Variants in HECTD2 observed in about 807,000 individuals in gnomAD.
HECTD2 encodes HECT domain E3 ubiquitin protein ligase 2, also known as probable E3 ubiquitin-protein ligase HECTD2.
A neutral mutation model predicts 103.2 loss-of-function variants in HECTD2; 35 were observed. That is an observed-to-expected ratio of 0.34 (90% confidence interval 0.26 to 0.45). The LOEUF (loss-of-function observed/expected upper bound fraction) is 0.45. Ranked by LOEUF, HECTD2 falls within the 20% of genes least tolerant of loss-of-function variation. The pLI, the probability that HECTD2 is intolerant of heterozygous loss-of-function variation, is 1.00. For missense variants in HECTD2, 596 were observed against 937.4 expected, an observed-to-expected ratio of 0.64 and a Z score of 4.76; for synonymous variants, 281 against 329.9, an observed-to-expected ratio of 0.85 and a Z score of 1.61.
chr10:91,497,671 G>A (rs1221804161), intron 15 of HECTD2, among the ~76,000 whole-genome samples: 2 of 151,982 alleles, frequency 1.3e-5, no homozygotes, highest in African/African-American at 4.8e-5. Context: ...CACTGTGCAT[G>A]TATGAACTGT....
intron 20 of HECTD2, among the ~76,000 whole-genome samples, chr10:91,504,476 G>A (rs1847058468): frequency 6.6e-6 from 1 of 152,182 alleles, no homozygotes; most frequent in Non-Finnish European, 1.5e-5. Flanking sequence ...ACCACGTGAA[G>A]AATGCAGAAG....
intron 5 of HECTD2, among the ~76,000 whole-genome samples, chr10:91,468,256 A>AC (rs1317273845): frequency 1.3e-5 from 2 of 151,738 alleles, no homozygotes; most frequent in African/African-American, 2.4e-5. Flanking sequence ...CGGTACCAGC[A>AC]CCCCCCAGAG....
At chr10:91,437,169 T>C (rs7908769) in intron 2 of HECTD2, among the ~76,000 whole-genome samples, 30,484 of 151,984 alleles carry the variant, frequency 0.2, 7,265 homozygotes, top group African/African-American at 0.58. Context: ...TTCACAAATA[T>C]GTAATTTGTG....
Position 91,507,927 on chromosome 10 carries a change from T to G in HECTD2, c.2211-4337T>G, listed in dbSNP as rs566993852. ...TGGTACTGGTACCAAAACAGAGATATAGATCAGTGGAACAGAACAGAGCCC... is the reference window on the plus strand; with the variant it reads ...TGGTACTGGTACCAAAACAGAGATAGAGATCAGTGGAACAGAACAGAGCCC... On this transcript the variant is annotated intron_variant, in intron 20 of 20. Coordinates refer to ENST00000298068, the MANE Select transcript of HECTD2 (RefSeq NM_182765.6). 1.5e-5 allele frequency among the ~76,000 whole-genome samples: 2 copies of G among 137,788 alleles called. 1 individual carries two copies. Among genetic ancestry groups the G allele is most frequent in the Non-Finnish European group, 3.0e-5 (2 of 67,476 alleles). 90.4% of individuals were successfully genotyped at this position (137,788 alleles called of 152,430 possible).
intron 5 of HECTD2, among the ~76,000 whole-genome samples, chr10:91,466,920 A>C (rs1227034247): frequency 6.6e-6 from 1 of 152,080 alleles, no homozygotes; most frequent in Non-Finnish European, 1.5e-5. Flanking sequence ...AAATAACAGT[A>C]ATGGAGATTT....
intron 1 of HECTD2, among the ~76,000 whole-genome samples, chr10:91,412,532 G>A (rs1842959672): frequency 6.6e-6 from 1 of 150,770 alleles, no homozygotes. Flanking sequence ...TCGGCTCACT[G>A]CAATCTCTGC....
intron 4 of HECTD2, among the ~76,000 whole-genome samples, chr10:91,461,629 A>G (rs1179673957): frequency 6.6e-6 from 1 of 151,986 alleles, no homozygotes; most frequent in Non-Finnish European, 1.5e-5. Context: ...GCTCACTGCA[A>G]CCTCTGCCTC....
At chr10:91,440,398 C>T (rs1368280341) in intron 2 of HECTD2, among the ~76,000 whole-genome samples, 3 of 151,932 alleles carry the variant, frequency 2.0e-5, no homozygotes, top group African/African-American at 7.2e-5. Context: ...TGTGTATGTT[C>T]AACTAGCCCT....
intron 20 of HECTD2, among the ~76,000 whole-genome samples, chr10:91,509,912 T>C (rs749620112): frequency 6.6e-6 from 1 of 152,176 alleles, no homozygotes; most frequent in Non-Finnish European, 1.5e-5. Context: ...CCTGCACATG[T>C]ACCCCTGAAC....
intron 13 of HECTD2, among the ~76,000 whole-genome samples, chr10:91,492,878 G>A (rs1247687391): frequency 6.6e-6 from 1 of 151,848 alleles, no homozygotes; most frequent in African/African-American, 2.4e-5. Flanking sequence ...TAATAAATAA[G>A]AATTCATGAA....
At chr10:91,428,115 A>G (rs1400253514) in intron 2 of HECTD2, among the ~76,000 whole-genome samples, 1 of 150,818 alleles carries the variant, frequency 6.6e-6, no homozygotes, top group Non-Finnish European at 1.5e-5. Flanking sequence ...TTTTCCCAGC[A>G]CCATTTATTA....
chr10:91,463,261 A>C (rs1258104487), intron 5 of HECTD2: 1 of 152,158 alleles, frequency 6.6e-6, no homozygotes, highest in Non-Finnish European at 1.5e-5. Context: ...AAGCTAAGGA[A>C]AAGGCAATGT....
intron 5 of HECTD2, among the ~76,000 whole-genome samples, chr10:91,472,333 A>C (rs1452035974): frequency 2.0e-5 from 3 of 152,326 alleles, no homozygotes; most frequent in Non-Finnish European, 4.4e-5. Flanking sequence ...TTTAATGTAA[A>C]AACTGAAAGT....
At chr10:91,478,013 T>C (rs1255651590) in intron 5 of HECTD2, among the ~76,000 whole-genome samples, 188 bp from the exon 6 acceptor site, 1 of 152,212 alleles carries the variant, frequency 6.6e-6, no homozygotes, top group African/African-American at 2.4e-5. Context: ...AGGGATACTC[T>C]TACTGTAATC....
At chr10:91,425,027 C>G (rs192338818) in intron 1 of HECTD2, among the ~76,000 whole-genome samples, 36 of 152,198 alleles carry the variant, frequency 2.4e-4, no homozygotes, top group Admixed American at 7.2e-4. Context: ...TTAAATCTTA[C>G]AGTAAATCTA....
chr10:91,461,455 A>T (rs917594228), intron 4 of HECTD2, 99 bp downstream of exon 4: 3 of 585,626 alleles, frequency 5.1e-6, no homozygotes, highest in Non-Finnish European at 6.0e-6. Flanking sequence ...TGATTTAAAC[A>T]TGCATATATT....
At chr10:91,452,743 T>A (rs978038682) in intron 2 of HECTD2, among the ~76,000 whole-genome samples, 3 of 152,086 alleles carry the variant, frequency 2.0e-5, no homozygotes, top group Admixed American at 1.3e-4. Context: ...GGCATTGAAA[T>A]AACAGATTTC....
At chr10:91,444,752 CATT>C (rs575891851) in intron 2 of HECTD2, among the ~76,000 whole-genome samples, 4 of 136,848 alleles carry the variant, frequency 2.9e-5, no homozygotes, top group South Asian at 4.2e-4. Flanking sequence ...CTCAAACTGA[CATT>C]ATAAATAGAG....
intron 11 of HECTD2, among the ~76,000 whole-genome samples, chr10:91,490,700 G>T (rs1480388750): frequency 6.6e-6 from 1 of 151,338 alleles, no homozygotes; most frequent in Non-Finnish European, 1.5e-5. Context: ...GACCATCCTG[G>T]CTAACACGGT....
Sources: allele counts gnomAD v4.1 joint callset (sites outside exome capture counted in the v4.1 genomes callset), GRCh38; gene constraint gnomAD v4.1.1; transcripts MANE v1.5; gene names NCBI Gene and HGNC (gene_info 2026-07-23, HGNC 2026-07-21).